The following NDUFV2 variants were observed in gnomAD, a reference collection of about 807,000 sequenced individuals.
NDUFV2 encodes the protein NADH dehydrogenase [ubiquinone] flavoprotein 2, mitochondrial.
In NDUFV2, 18 loss-of-function variants were observed where a neutral mutation model predicts 31.6. The ratio of observed to expected loss-of-function variants is 0.57; its 90% CI spans 0.39 to 0.84. The LOEUF is 0.84. Ranked by LOEUF, NDUFV2 falls within the 40% of genes least tolerant of loss-of-function variation. The pLI is 0.00. For synonymous variants in NDUFV2, 83 were observed against 99.8 expected, an observed-to-expected ratio of 0.83 and a Z score of 1.01; for missense variants, 314 against 303.6, an observed-to-expected ratio of 1.03 and a Z score of -0.26.
In NDUFV2 at chr18:9,127,014, G is replaced by A. The variant is rs2077997156; in HGVS notation, c.656+107G>A. On this transcript the variant is annotated intron_variant, in intron 7 of 7. Coordinates refer to ENST00000318388, the MANE Select transcript of NDUFV2 (RefSeq NM_021074.5). ...ACCTTAAGTTCATAGGAATTGGTAG[G>A]AGCTTTGGATAGTATTATCTATATG... 7 of 898,680 alleles carry A rather than the reference G, an allele frequency of 7.8e-6. No individual in the cohort carries two copies. In the East Asian group the frequency reaches 1.5e-4, roughly 19 times the overall value. 55.7% of individuals were successfully genotyped at this position (898,680 alleles called of 1,614,324 possible).
In NDUFV2 at chr18:9,102,813, C is replaced by A; in HGVS notation, c.54+16C>A. ...CGCCCACTGGGTAAGGAGGCTCAAGCTGAGCCCGGCGCTGCCGCCGCCCTT... is the reference window on the plus strand; with the variant it reads ...CGCCCACTGGGTAAGGAGGCTCAAGATGAGCCCGGCGCTGCCGCCGCCCTT... On this transcript the variant is annotated intron_variant, in intron 1 of 7. Coordinates refer to ENST00000318388, the MANE Select transcript of NDUFV2 (RefSeq NM_021074.5). The A allele has an allele frequency of 1.9e-6, 3 of 1,552,590 alleles. No homozygotes were observed. Among genetic ancestry groups the A allele is most frequent in the South Asian group, 1.2e-5 (1 of 84,090 alleles).
Position 9,119,532 on chromosome 18 carries a change from C to T in NDUFV2, c.242C>T (p.Pro81Leu), listed in dbSNP as rs2077919369. The T allele has an allele frequency of 1.2e-6, 2 of 1,613,852 alleles. No individual in the cohort carries two copies. The highest frequency in any genetic ancestry group is 1.7e-6 in the Non-Finnish European group (2 of 1,179,872). Residue 81 changes from proline to leucine, a missense_variant, in exon 4 of 8, where the codon CCA becomes CTA. Transcript: ENST00000318388. The stretch of plus-strand genomic sequence containing the variant: ...GGCCATAAAGCAGCAGCTGTTCTTC[C>T]AGTCCTGGATTTAGCCCAAAGGCAG... ...PEGHKAAAVL[P>L]VLDLAQRQNG...
intron 7 of NDUFV2, among the ~76,000 whole-genome samples, chr18:9,130,126 A>G (rs561749124): frequency 2.0e-5 from 3 of 152,194 alleles, no homozygotes; most frequent in African/African-American, 4.8e-5. Flanking sequence ...AATATAGGGA[A>G]TAGGTTAGGG....
At chr18:9,113,532 G>C (rs966517332) in intron 1 of NDUFV2, among the ~76,000 whole-genome samples, 1 of 152,060 alleles carries the variant, frequency 6.6e-6, no homozygotes, top group Admixed American at 6.5e-5. Context: ...CATATCTCAC[G>C]GTAAGGGAGG....
At position 9,107,577 on chromosome 18, in the gene NDUFV2, T is replaced by C. The variant is rs1441042516; in HGVS notation, c.54+4780T>C. ...ATTTTATGTGTGAGATATATGAAGA[T>C]TGCTGGACAAATAAATGCCCAAGAT... On this transcript the variant is annotated intron_variant, in intron 1 of 7. Coordinates refer to ENST00000318388, the MANE Select transcript of NDUFV2 (RefSeq NM_021074.5). Among the ~76,000 whole-genome samples, 5 of 152,330 alleles carry C rather than the reference T, an allele frequency of 3.3e-5. No individual in the cohort carries two copies. The East Asian group carries it at 9.6e-4, about 29-fold the overall frequency.
At chr18:9,127,798 T>C (rs35849084) in intron 7 of NDUFV2, among the ~76,000 whole-genome samples, 16,620 of 152,216 alleles carry the variant, frequency 0.11, 1,068 homozygotes, top group African/African-American at 0.16. Context: ...AGATACATAC[T>C]GAGCAGCACA....
intron 4 of NDUFV2, 150 bp downstream of exon 4, chr18:9,119,740 G>T (rs2077921003): frequency 1.4e-6 from 1 of 697,990 alleles, no homozygotes; most frequent in South Asian, 1.7e-5. Context: ...AATTGTCTTT[G>T]TGTTTTTGTT....
At chr18:9,126,789 AG>A in intron 6 of NDUFV2, 41 bp from the exon 7 acceptor site, 1 of 1,512,670 alleles carries the variant, frequency 6.6e-7, no homozygotes, top group Non-Finnish European at 9.2e-7. Flanking sequence ...TCGATATAAA[AG>A]AAAGTAATTT....
At chr18:9,121,306 G>C (rs2077933628) in intron 4 of NDUFV2, 1 of 152,102 alleles carries the variant, frequency 6.6e-6, no homozygotes, top group Admixed American at 6.6e-5. Context: ...TCACTAAGGT[G>C]TAGGGAGATG....
chr18:9,106,808 C>T (rs1285028628), intron 1 of NDUFV2, among the ~76,000 whole-genome samples: 1 of 152,112 alleles, frequency 6.6e-6, no homozygotes, highest in African/African-American at 2.4e-5. Flanking sequence ...AGGTGAATGT[C>T]TTTTCTTGGC....
At chr18:9,121,461 C>G (rs545188647) in intron 4 of NDUFV2, 1 of 151,946 alleles carries the variant, frequency 6.6e-6, no homozygotes, top group Non-Finnish European at 1.5e-5. Flanking sequence ...TCAGAACTGC[C>G]GAATGAAATA....
At chr18:9,122,440 CT>C in intron 4 of NDUFV2, 72 bp from the exon 5 acceptor site, 5 of 1,331,052 alleles carry the variant, frequency 3.8e-6, no homozygotes, top group Non-Finnish European at 5.4e-6. Context: ...TGAAATTATA[CT>C]TTGTACAACA....
At chr18:9,129,986 C>T (rs1044044689) in intron 7 of NDUFV2, among the ~76,000 whole-genome samples, 1 of 152,012 alleles carries the variant, frequency 6.6e-6, no homozygotes, top group South Asian at 2.1e-4. Flanking sequence ...GTTCCTTTAC[C>T]GAAAATAGAG....
chr18:9,130,465 A>G (rs890516899), intron 7 of NDUFV2, among the ~76,000 whole-genome samples: 5 of 152,224 alleles, frequency 3.3e-5, no homozygotes, highest in South Asian at 2.1e-4. Context: ...AAAGCAGACA[A>G]AAGTCTACTT....
chr18:9,109,424 G>A lies in NDUFV2; in HGVS notation c.54+6627G>A, dbSNP rs920187490. Reference sequence around the variant, plus strand: ...TCTTATTAACTTCTCTTAGCTGGATGCATTTATAATGCAAATGTCTGATAG... The same window carrying A: ...TCTTATTAACTTCTCTTAGCTGGATACATTTATAATGCAAATGTCTGATAG... On this transcript the variant is annotated intron_variant, in intron 1 of 7. Transcript: ENST00000318388. 1.1e-4 allele frequency among the ~76,000 whole-genome samples: 17 copies of A among 152,210 alleles called. 1 individual carries two copies.
chr18:9,109,662 T>A (rs149732003), intron 1 of NDUFV2, among the ~76,000 whole-genome samples: 89 of 152,344 alleles, frequency 5.8e-4, no homozygotes, highest in African/African-American at 1.9e-3. Context: ...TGAAAGAGCC[T>A]GGGCTCAAAA....
chr18:9,114,315 GAA>G (rs1211103386), intron 1 of NDUFV2, among the ~76,000 whole-genome samples: 3 of 151,916 alleles, frequency 2.0e-5, no homozygotes, highest in African/African-American at 7.3e-5. Context: ...TGGATATAAA[GAA>G]AAAATAATTA....
chr18:9,124,495 C>T (rs1328449366), intron 5 of NDUFV2, among the ~76,000 whole-genome samples: 1 of 147,262 alleles, frequency 6.8e-6, no homozygotes, highest in Non-Finnish European at 1.5e-5. Context: ...GTTGCCCAGG[C>T]TGGAGTGCAG....
At chr18:9,116,392 TTTAG>T (rs1232966926) in intron 1 of NDUFV2, among the ~76,000 whole-genome samples, 2 of 152,200 alleles carry the variant, frequency 1.3e-5, no homozygotes, top group East Asian at 3.8e-4. Flanking sequence ...TCTCTCAGAA[TTTAG>T]TTAAGTAACT....
Sources: gnomAD v4.1 joint callset for allele counts (sites outside exome capture counted in the v4.1 genomes callset) on GRCh38, gnomAD v4.1.1 for gene constraint, MANE v1.5 for transcripts, NCBI Gene and HGNC (gene_info 2026-07-23, HGNC 2026-07-21) for gene names.